Variants in RNF130 observed in about 807,000 individuals in gnomAD.
The protein encoded by RNF130 is ring finger protein 130, also known as E3 ubiquitin-protein ligase RNF130.
RNF130 carries 21 observed loss-of-function variants against 44.6 expected under a neutral mutation model. The observed-to-expected ratio is 0.47, with a 90% CI of 0.33 to 0.68. The LOEUF (loss-of-function observed/expected upper bound fraction) is 0.68. Among genes scored for constraint, RNF130 ranks in the 30% least tolerant of loss-of-function variants. The pLI is 0.02. For missense variants in RNF130, 479 were observed against 560.6 expected (o/e 0.85, Z 1.47); for synonymous variants, 214 against 210.4 (o/e 1.02, Z -0.15).
intron 5 of RNF130, among the ~76,000 whole-genome samples, chr5:179,974,357 A>G (rs1369767578): frequency 6.6e-6 from 1 of 152,240 alleles, no homozygotes; most frequent in African/African-American, 2.4e-5. Context: ...AAGAGGTCTA[A>G]TAAGACCAGG....
At chr5:179,986,831 T>A (rs994217353) in intron 3 of RNF130, among the ~76,000 whole-genome samples, 3 of 152,258 alleles carry the variant, frequency 2.0e-5, no homozygotes, top group Non-Finnish European at 2.9e-5. Context: ...TCCATTTTTC[T>A]GTGATCTCTT....
intron 3 of RNF130, among the ~76,000 whole-genome samples, chr5:180,001,682 G>C (rs959328808): frequency 2.6e-5 from 4 of 152,134 alleles, no homozygotes; most frequent in Non-Finnish European, 5.9e-5. Flanking sequence ...GGGATGGCAG[G>C]GCTCAGCAGT....
intron 1 of RNF130, among the ~76,000 whole-genome samples, chr5:180,063,461 T>C (rs1765032356): frequency 6.6e-6 from 1 of 152,052 alleles, no homozygotes; most frequent in African/African-American, 2.4e-5. Context: ...TGGTAGCAGA[T>C]AGGGAGGTGA....
intron 1 of RNF130, among the ~76,000 whole-genome samples, chr5:180,056,911 A>G (rs1381289783): frequency 6.6e-6 from 1 of 152,234 alleles, no homozygotes; most frequent in African/African-American, 2.4e-5. Context: ...GAAACTAGTC[A>G]CAAGAAGGCA....
chr5:179,942,756 T>G (rs544356625), intron 7 of RNF130, among the ~76,000 whole-genome samples: 1 of 152,342 alleles, frequency 6.6e-6, no homozygotes, highest in South Asian at 2.1e-4. Context: ...ACTTCAAATA[T>G]GTGATGTTTT....
In RNF130 at chr5:180,029,811, G is replaced by C. The variant is rs769100840; in HGVS notation, c.442+10642C>G. ...CTGCTTAGGCCTCCTAAAGTGCTGA[G>C]ATTACAGGTGTGGGTCACCATGCCT... On this transcript the variant is annotated intron_variant, in intron 2 of 8. Coordinates refer to ENST00000521389, the MANE Select transcript of RNF130 (RefSeq NM_018434.6). Among the ~76,000 whole-genome samples, 21 of 150,604 alleles carry C rather than the reference G, an allele frequency of 1.4e-4. No individual in the cohort carries two copies. In the South Asian group the frequency reaches 1.5e-3, roughly 11 times the overall value.
chr5:180,060,421 T>A (rs1343828201), intron 1 of RNF130, among the ~76,000 whole-genome samples: 3 of 152,218 alleles, frequency 2.0e-5, no homozygotes, highest in Non-Finnish European at 4.4e-5. Context: ...TCTGATTATG[T>A]CTTTTATGGT....
At chr5:180,035,654 G>C (rs1206800268) in intron 2 of RNF130, among the ~76,000 whole-genome samples, 3 of 152,156 alleles carry the variant, frequency 2.0e-5, no homozygotes, top group Non-Finnish European at 4.4e-5. Flanking sequence ...CATTCTGTCA[G>C]TTTTTGCTTT....
chr5:179,986,792 T>C (rs1035603831), intron 3 of RNF130, among the ~76,000 whole-genome samples: 2 of 152,370 alleles, frequency 1.3e-5, no homozygotes, highest in Admixed American at 6.5e-5. Flanking sequence ...AGTATCTACA[T>C]GTATTTTATA....
chr5:180,038,850 G>A (rs1254836407), intron 2 of RNF130, among the ~76,000 whole-genome samples: 1 of 152,086 alleles, frequency 6.6e-6, no homozygotes, highest in African/African-American at 2.4e-5. Context: ...ATTTTGCTCA[G>A]TTGAATTTCT....
At chr5:179,946,266 T>C (rs988936802) in intron 7 of RNF130, among the ~76,000 whole-genome samples, 1 of 152,170 alleles carries the variant, frequency 6.6e-6, no homozygotes, top group Non-Finnish European at 1.5e-5. Context: ...TCCATGTGTC[T>C]AGGCTGTTCC....
At chr5:180,054,020 T>C (rs1452094501) in intron 1 of RNF130, among the ~76,000 whole-genome samples, 1 of 152,064 alleles carries the variant, frequency 6.6e-6, no homozygotes, top group African/African-American at 2.4e-5. Flanking sequence ...TTTCACTATG[T>C]TGGCCAGGAT....
At position 180,013,045 on chromosome 5, in the gene RNF130, T is replaced by G. The variant is rs1333213745; in HGVS notation, c.693+16A>C. The G allele has an allele frequency of 1.9e-6, 3 of 1,608,362 alleles. No homozygotes were observed. Among genetic ancestry groups the G allele is most frequent in the East Asian group, 2.2e-5 (1 of 44,860 alleles). On this transcript the variant is annotated intron_variant, in intron 3 of 8. Transcript: ENST00000521389. ...CTGGCTGTTACGAACCAATCACTGT[T>G]GAGTACTGAGCTCACCTGGTTCCTG...
At chr5:180,059,555 A>G (rs766058069) in intron 1 of RNF130, among the ~76,000 whole-genome samples, 1 of 152,182 alleles carries the variant, frequency 6.6e-6, no homozygotes, top group Non-Finnish European at 1.5e-5. Context: ...GATTTTTCTG[A>G]TCCAGATGAA....
intron 8 of RNF130, among the ~76,000 whole-genome samples, chr5:179,958,173 G>A (rs544682094): frequency 1.3e-5 from 2 of 152,274 alleles, no homozygotes; most frequent in African/African-American, 4.8e-5. Context: ...CACCGCGCCC[G>A]GCCAAATTCA....
At chr5:180,056,535 T>G (rs562230629) in intron 1 of RNF130, among the ~76,000 whole-genome samples, 1 of 152,164 alleles carries the variant, frequency 6.6e-6, no homozygotes, top group Admixed American at 6.5e-5. Context: ...CAAAACACAC[T>G]GGGCAGAGGT....
intron 1 of RNF130, among the ~76,000 whole-genome samples, chr5:180,054,675 T>G (rs1255987599): frequency 6.6e-6 from 1 of 152,232 alleles, no homozygotes; most frequent in Non-Finnish European, 1.5e-5. Context: ...CTTAATTTTA[T>G]TATTTGTTTT....
intron 1 of RNF130, among the ~76,000 whole-genome samples, chr5:180,044,529 T>C (rs775548731): frequency 6.6e-6 from 1 of 152,120 alleles, no homozygotes; most frequent in Non-Finnish European, 1.5e-5. Context: ...GCCTTGCTCT[T>C]GACTCTTAAA....
At chr5:180,037,611 G>C (rs1764279043) in intron 2 of RNF130, among the ~76,000 whole-genome samples, 1 of 152,126 alleles carries the variant, frequency 6.6e-6, no homozygotes, top group Admixed American at 6.5e-5. Flanking sequence ...ACAGGCTCTT[G>C]GGTCATATTC....
Sources: gnomAD v4.1 joint callset for allele counts (sites outside exome capture counted in the v4.1 genomes callset) on GRCh38, gnomAD v4.1.1 for gene constraint, MANE v1.5 for transcripts, NCBI Gene and HGNC (gene_info 2026-07-23, HGNC 2026-07-21) for gene names.